The following PIAS1 variants were observed in gnomAD, a reference collection of about 807,000 sequenced individuals.
The protein encoded by PIAS1 is E3 SUMO-protein ligase PIAS1.
A neutral mutation model predicts 71.3 loss-of-function variants in PIAS1; 6 were observed. The observed-to-expected ratio is 0.08, with a 90% CI of 0.05 to 0.17. PIAS1 has a LOEUF of 0.17. Among genes scored for constraint, PIAS1 ranks in the 10% least tolerant of loss-of-function variants. The pLI, the probability that PIAS1 is intolerant of heterozygous loss-of-function variation, is 1.00. For missense variants in PIAS1, 555 were observed against 793.6 expected, an observed-to-expected ratio of 0.70 and a Z score of 3.61; for synonymous variants, 303 against 292.9, an observed-to-expected ratio of 1.03 and a Z score of -0.35.
intron 2 of PIAS1, among the ~76,000 whole-genome samples, chr15:68,102,157 G>C (rs1442404732): frequency 6.6e-6 from 1 of 152,146 alleles, no homozygotes; most frequent in Non-Finnish European, 1.5e-5. Context: ...TAAGGTGTGA[G>C]ATTGAGATTG....
At position 68,176,615 on chromosome 15, in the gene PIAS1, G is replaced by T; in HGVS notation, c.1442G>T (p.Cys481Phe). The T allele has an allele frequency of 6.2e-7, 1 of 1,609,770 alleles. No individual in the cohort carries two copies. The highest frequency in any genetic ancestry group is 8.5e-7 in the Non-Finnish European group (1 of 1,178,200). ...GAAGAGCCATCTGCCAAGAGGACCT[G>T]TCCTTCCCTATCTCCCACATCACCA... is the stretch of plus-strand genomic sequence containing the variant. ...EEEEPSAKRT[C>F]PSLSPTSPLN... Residue 481 changes from cysteine to phenylalanine, a missense_variant, in exon 11 of 14, where the codon TGT becomes TTT. Physicochemically the swap from Cys to Phe is radical, Grantham distance 205. Coordinates refer to ENST00000249636, the MANE Select transcript of PIAS1 (RefSeq NM_016166.3).
At chr15:68,120,005 A>G (rs1413653053) in intron 2 of PIAS1, among the ~76,000 whole-genome samples, 2 of 152,168 alleles carry the variant, frequency 1.3e-5, no homozygotes, top group Non-Finnish European at 2.9e-5. Context: ...GATGGGGTCT[A>G]CTGTGTTGCC....
intron 2 of PIAS1, among the ~76,000 whole-genome samples, chr15:68,133,033 C>G (rs1391304987): frequency 6.7e-6 from 1 of 150,158 alleles, no homozygotes; most frequent in African/African-American, 2.5e-5. Context: ...ATTACTTCCT[C>G]TCTTACACAG....
At chr15:68,064,934 T>C (rs1300636256) in intron 1 of PIAS1, among the ~76,000 whole-genome samples, 1 of 152,180 alleles carries the variant, frequency 6.6e-6, no homozygotes, top group African/African-American at 2.4e-5. Context: ...TTTTTTGAGA[T>C]GGGCTTTGCC....
intron 7 of PIAS1, among the ~76,000 whole-genome samples, chr15:68,163,383 T>C (rs1309366185): frequency 6.6e-6 from 1 of 152,198 alleles, no homozygotes; most frequent in Non-Finnish European, 1.5e-5. Context: ...CTGTGAAATA[T>C]ATTAAGACTT....
chr15:68,080,023 G>T (rs1467891344), intron 1 of PIAS1, among the ~76,000 whole-genome samples: 1 of 151,918 alleles, frequency 6.6e-6, no homozygotes, highest in Non-Finnish European at 1.5e-5. Context: ...GTAGAGATGG[G>T]GTTTCACCAT....
chr15:68,143,297 A>C (rs1030458832), intron 4 of PIAS1, among the ~76,000 whole-genome samples: 17 of 152,078 alleles, frequency 1.1e-4, no homozygotes, highest in African/African-American at 4.1e-4. Context: ...TTACAAATAC[A>C]CTAGGAGGCT....
At chr15:68,068,677 T>C (rs2092057425) in intron 1 of PIAS1, among the ~76,000 whole-genome samples, 1 of 152,002 alleles carries the variant, frequency 6.6e-6, no homozygotes, top group Non-Finnish European at 1.5e-5. Context: ...GGTCTCGAAC[T>C]CATGACCTCA....
At chr15:68,152,282 T>C (rs575060574) in intron 6 of PIAS1, among the ~76,000 whole-genome samples, 15 of 152,300 alleles carry the variant, frequency 9.8e-5, no homozygotes, top group African/African-American at 3.6e-4. Context: ...TCCTCATTAA[T>C]GTGAAATTTA....
In PIAS1 at chr15:68,173,213, G is replaced by A. The variant is rs999710832; in HGVS notation, c.1009-519G>A. Among the ~76,000 whole-genome samples, 2 of 151,930 alleles carry A rather than the reference G, an allele frequency of 1.3e-5. No homozygotes were observed. The highest frequency in any genetic ancestry group is 4.8e-5 in the African/African-American group (2 of 41,346). On this transcript the variant is annotated intron_variant, in intron 8 of 13. Coordinates refer to ENST00000249636, the MANE Select transcript of PIAS1 (RefSeq NM_016166.3). The surrounding 1 kb of genome is among the most constrained non-coding windows in gnomAD (Gnocchi z 4.3). Reference sequence around the variant, plus strand: ...TGCTTTAAGAATTTGAGAAAAGCCGGGCACAGTGGTGTGCGCCTGTATCCC... The same window carrying A: ...TGCTTTAAGAATTTGAGAAAAGCCGAGCACAGTGGTGTGCGCCTGTATCCC...
intron 2 of PIAS1, among the ~76,000 whole-genome samples, chr15:68,136,844 A>G (rs2092737407): frequency 6.6e-6 from 1 of 152,206 alleles, no homozygotes; most frequent in Admixed American, 6.5e-5. Context: ...ATTTGTAGCA[A>G]ATTTCCAGGG....
intron 2 of PIAS1, among the ~76,000 whole-genome samples, chr15:68,121,649 G>C (rs938665983): frequency 1.3e-5 from 2 of 151,992 alleles, no homozygotes; most frequent in Non-Finnish European, 2.9e-5. Flanking sequence ...GGTATTCTCA[G>C]GTCATCTCAT....
chr15:68,078,001 G>T (rs945483207), intron 1 of PIAS1, among the ~76,000 whole-genome samples: 11 of 152,240 alleles, frequency 7.2e-5, no homozygotes, highest in Middle Eastern at 3.4e-3. Context: ...CTCAGATAGG[G>T]TATACTGTTC....
Position 68,065,915 on chromosome 15 carries a change from C to CTTTTTTTTTTTTTTTTTT in PIAS1, c.24+11576_24+11593dup, listed in dbSNP as rs869104577. ...GCCACCATGCTCAGCTGACTAAAAG[C>CTTTTTTTTTTTTTTTTTT]TTTTTTTTTTTTTTTTTTTTTTTTT... On this transcript the variant is annotated intron_variant, in intron 1 of 13. Coordinates refer to ENST00000249636, the MANE Select transcript of PIAS1 (RefSeq NM_016166.3). Among the ~76,000 whole-genome samples the CTTTTTTTTTTTTTTTTTT allele has an allele frequency of 3.5e-4, 14 of 40,174 alleles. 2 individuals carry two copies. The highest frequency in any genetic ancestry group is 1.3e-3 in the African/African-American group (10 of 7,532). 26.4% of individuals were successfully genotyped at this position (40,174 alleles called of 152,430 possible).
At chr15:68,119,332 C>G (rs1369520849) in intron 2 of PIAS1, among the ~76,000 whole-genome samples, 2 of 148,346 alleles carry the variant, frequency 1.3e-5, no homozygotes, top group Non-Finnish European at 1.5e-5. Flanking sequence ...GTAATCCCAG[C>G]TACTTGGGAG....
At chr15:68,121,913 A>T (rs915914699) in intron 2 of PIAS1, among the ~76,000 whole-genome samples, 2 of 152,182 alleles carry the variant, frequency 1.3e-5, no homozygotes, top group South Asian at 4.1e-4. Flanking sequence ...AGATTGCTTG[A>T]GTCCAAGTGT....
chr15:68,123,168 T>C (rs6494713), intron 2 of PIAS1, among the ~76,000 whole-genome samples: 151,363 of 152,302 alleles, frequency 0.99, 75,226 homozygotes, highest in Middle Eastern at 1. Flanking sequence ...CCTCCTGCCT[T>C]ATCCTCCCAA....
Position 68,190,138 on chromosome 15 carries a change from A to G in PIAS1, c.*2303A>G, listed in dbSNP as rs2093112466. The G allele has an allele frequency of 6.6e-6, 1 of 152,232 alleles. No individual in the cohort carries two copies. Among genetic ancestry groups the G allele is most frequent in the Non-Finnish European group, 1.5e-5 (1 of 68,044 alleles). 9.4% of individuals were successfully genotyped at this position (152,232 alleles called of 1,614,324 possible). ...GTATCCCTCTACTTTCTTCAGTTGT[A>G]GAAAAGGTTAATTTCCCTCAGTGTC... On this transcript the variant is annotated 3_prime_UTR_variant, in exon 14 of 14. Coordinates refer to ENST00000249636, the MANE Select transcript of PIAS1 (RefSeq NM_016166.3). The surrounding 1 kb of genome is among the most constrained non-coding windows in gnomAD (Gnocchi z 4.7).
chr15:68,128,652 T>G (rs2141028744), intron 2 of PIAS1, among the ~76,000 whole-genome samples: 1 of 152,348 alleles, frequency 6.6e-6, no homozygotes, highest in South Asian at 2.1e-4. Context: ...TAGAACATCA[T>G]CTGTTAAAAC....
Sources: allele counts gnomAD v4.1 joint callset (sites outside exome capture counted in the v4.1 genomes callset), GRCh38; gene constraint gnomAD v4.1.1; non-coding constraint Gnocchi (gnomAD v3.1); transcripts MANE v1.5; gene names NCBI Gene and HGNC (gene_info 2026-07-23, HGNC 2026-07-21).